TRHDE: variants seen among roughly 807,000 people sequenced by gnomAD.
TRHDE encodes the protein thyrotropin releasing hormone degrading enzyme.
Under a neutral mutation model 125.7 loss-of-function variants are expected in TRHDE, and 72 were observed. That is an observed-to-expected ratio of 0.57 (90% confidence interval 0.47 to 0.70). TRHDE has a LOEUF of 0.70. Among genes scored for constraint, TRHDE ranks in the 30% least tolerant of loss-of-function variants. The pLI is 0.00. For synonymous variants in TRHDE, 509 were observed against 509.1 expected, an observed-to-expected ratio of 1.00 and a Z score of 0.00; for missense variants, 1,110 against 1,327.1, an observed-to-expected ratio of 0.84 and a Z score of 2.54.
intron 2 of TRHDE, among the ~76,000 whole-genome samples, chr12:72,169,533 T>A (rs768565094): frequency 6.6e-6 from 1 of 152,016 alleles, no homozygotes; most frequent in Non-Finnish European, 1.5e-5. Flanking sequence ...GAGAAAGAGA[T>A]CTCTGTGTCT....
At chr12:72,529,800 T>G (rs1592515357) in intron 6 of TRHDE, among the ~76,000 whole-genome samples, 1 of 152,310 alleles carries the variant, frequency 6.6e-6, no homozygotes, top group Non-Finnish European at 1.5e-5. Flanking sequence ...ACTTCTTTTT[T>G]CTTAGTGTTC....
At chr12:72,574,390 G>A (rs950538815) in intron 10 of TRHDE, among the ~76,000 whole-genome samples, 5 of 151,848 alleles carry the variant, frequency 3.3e-5, no homozygotes, top group Non-Finnish European at 5.9e-5. Flanking sequence ...ATGTCTGTGC[G>A]TATGTGTATA....
chr12:72,158,792 T>C (rs775294722), intron 2 of TRHDE, among the ~76,000 whole-genome samples: 3 of 152,232 alleles, frequency 2.0e-5, no homozygotes, highest in Admixed American at 6.5e-5. Flanking sequence ...TTATATCTTA[T>C]AGCATTTTCT....
intron 12 of TRHDE, among the ~76,000 whole-genome samples, chr12:72,580,519 G>T (rs753533266): frequency 6.6e-6 from 1 of 152,222 alleles, no homozygotes; most frequent in Non-Finnish European, 1.5e-5. Context: ...TTGTCTCACT[G>T]CAACCTCTGC....
intron 1 of TRHDE, among the ~76,000 whole-genome samples, chr12:72,104,211 G>C (rs1019560000): frequency 6.6e-6 from 1 of 152,096 alleles, no homozygotes; most frequent in African/African-American, 2.4e-5. Flanking sequence ...CACTGGGCCT[G>C]GTCCATAGCA....
chr12:72,361,032 A>C (rs559747869), intron 2 of TRHDE, among the ~76,000 whole-genome samples: 4 of 151,574 alleles, frequency 2.6e-5, no homozygotes, highest in Non-Finnish European at 4.4e-5. Context: ...CCCTGTGTCC[A>C]TATGTTCTCA....
chr12:72,130,115 C>T (rs1223840906), intron 2 of TRHDE, among the ~76,000 whole-genome samples: 1 of 151,992 alleles, frequency 6.6e-6, no homozygotes, highest in Non-Finnish European at 1.5e-5. Flanking sequence ...GCCTGGCCAA[C>T]ATGGTGAAAC....
rs1021743070 is a variant in TRHDE, at chr12:72,094,363, G to T, written n.174+6924G>T. On this transcript the variant is annotated intron_variant and non_coding_transcript_variant, in intron 1 of 4. Transcript: ENST00000548156. ...GGCTGAGTAAGGGGCCATAGCCAAGGCTGGGGTCTGCAGGCCTGCCTCTGG... is the reference window on the plus strand; with the variant it reads ...GGCTGAGTAAGGGGCCATAGCCAAGTCTGGGGTCTGCAGGCCTGCCTCTGG... Among the ~76,000 whole-genome samples the T allele has an allele frequency of 2.0e-5, 3 of 151,714 alleles. No individual in the cohort carries two copies. In the East Asian group the frequency reaches 5.8e-4, roughly 29 times the overall value.
At chr12:72,106,737 T>C (rs895823436) in intron 2 of TRHDE, among the ~76,000 whole-genome samples, 26 of 152,098 alleles carry the variant, frequency 1.7e-4, no homozygotes, top group African/African-American at 6.0e-4. Flanking sequence ...GCCTCTATTT[T>C]CATTCACTCA....
chr12:72,638,600 C>T (rs553819561), intron 15 of TRHDE, among the ~76,000 whole-genome samples: 12 of 151,918 alleles, frequency 7.9e-5, no homozygotes, highest in East Asian at 5.8e-4. Context: ...TTCCTAGTCT[C>T]GATGGTCTTT....
At chr12:72,589,369 G>C (rs1442768140) in intron 12 of TRHDE, among the ~76,000 whole-genome samples, 2 of 151,654 alleles carry the variant, frequency 1.3e-5, no homozygotes, top group Non-Finnish European at 2.9e-5. Context: ...TTAAGTTCTG[G>C]GATACATGTG....
At chr12:72,575,884 A>G (rs1424269964) in intron 12 of TRHDE, among the ~76,000 whole-genome samples, 1 of 152,044 alleles carries the variant, frequency 6.6e-6, no homozygotes, top group Non-Finnish European at 1.5e-5. Flanking sequence ...AGCATTGGCA[A>G]TTTTTCCCTG....
At chr12:72,455,281 A>G (rs1040085309) in intron 3 of TRHDE, among the ~76,000 whole-genome samples, 75 of 152,176 alleles carry the variant, frequency 4.9e-4, no homozygotes, top group African/African-American at 3.4e-4. Context: ...AAAATGTTAT[A>G]TGTGATCTGA....
chr12:72,640,047 C>T (rs947223753), intron 15 of TRHDE, among the ~76,000 whole-genome samples: 2 of 152,192 alleles, frequency 1.3e-5, no homozygotes, highest in Non-Finnish European at 2.9e-5. Flanking sequence ...TCCAGCTTCC[C>T]TGCTGCTTTG....
chr12:72,552,561 C>T (rs12830626), intron 7 of TRHDE, among the ~76,000 whole-genome samples: 2,095 of 152,162 alleles, frequency 0.014, 20 homozygotes, highest in Middle Eastern at 0.031. Flanking sequence ...CCAAGGGAAT[C>T]GTGTCACAAA....
Position 72,662,986 on chromosome 12 carries a change from A to C in TRHDE, c.3067-66A>C, listed in dbSNP as rs1457791322. 4.1e-6 allele frequency: 6 copies of C among 1,477,260 alleles called. No individual in the cohort carries two copies. In the East Asian group the frequency reaches 9.1e-5, roughly 22 times the overall value. 91.5% of individuals were successfully genotyped at this position (1,477,260 alleles called of 1,614,324 possible). A position where few individuals can be genotyped will look rare whatever the true frequency, so the allele number is the denominator to read the frequency against. On this transcript the variant is annotated intron_variant, in intron 18 of 18. Transcript: ENST00000261180. The stretch of plus-strand genomic sequence containing the variant: ...TAATGTTTCAAATAGATTCTTGTTC[A>C]TGTTTGTTGGACATGAGTTCTTTTT...
intron 2 of TRHDE, among the ~76,000 whole-genome samples, chr12:72,227,402 C>T (rs1757763516): frequency 6.6e-6 from 1 of 152,128 alleles, no homozygotes; most frequent in African/African-American, 2.4e-5. Flanking sequence ...CCATCAATCT[C>T]ATGAAACTTA....
intron 2 of TRHDE, among the ~76,000 whole-genome samples, chr12:72,121,906 C>T (rs911200907): frequency 6.6e-6 from 1 of 152,068 alleles, no homozygotes; most frequent in African/African-American, 2.4e-5. Flanking sequence ...AAATGATCTA[C>T]TGGCTTGTCT....
intron 2 of TRHDE, among the ~76,000 whole-genome samples, chr12:72,240,715 G>A (rs1322390952): frequency 1.3e-5 from 2 of 151,698 alleles, no homozygotes; most frequent in Admixed American, 6.6e-5. Flanking sequence ...GACTACAGGC[G>A]CCCACCACCA....
Sources: allele counts gnomAD v4.1 joint callset (sites outside exome capture counted in the v4.1 genomes callset), GRCh38; gene constraint gnomAD v4.1.1; transcripts MANE v1.5; gene names NCBI Gene and HGNC (gene_info 2026-07-23, HGNC 2026-07-21).